Variants in SDK1 observed in about 807,000 individuals in gnomAD.
The protein encoded by SDK1 is protein sidekick-1.
A neutral mutation model predicts 245.5 loss-of-function variants in SDK1; 157 were observed. That is an observed-to-expected ratio of 0.64 (90% confidence interval 0.56 to 0.73). The LOEUF is 0.73. SDK1 is among the 30% of genes least tolerant of loss of function. SDK1 has a pLI of 0.00. For missense variants in SDK1, 3,583 were observed against 3,002.3 expected, an observed-to-expected ratio of 1.19 and a Z score of -4.52; for synonymous variants, 1,647 against 1,278.5, an observed-to-expected ratio of 1.29 and a Z score of -6.15.
chr7:3,543,995 A>T (rs1438635489), intron 1 of SDK1, among the ~76,000 whole-genome samples: 1 of 152,212 alleles, frequency 6.6e-6, no homozygotes, highest in African/African-American at 2.4e-5. Context: ...CATCTCTACT[A>T]CTGCTCAACT....
intron 1 of SDK1, among the ~76,000 whole-genome samples, chr7:3,416,894 C>T (rs1020678955): frequency 6.6e-6 from 1 of 152,110 alleles, no homozygotes; most frequent in African/African-American, 2.4e-5. Context: ...GCCATGCAGC[C>T]GGGCACGGTG....
intron 35 of SDK1, among the ~76,000 whole-genome samples, chr7:4,180,216 A>G (rs1487196665): frequency 6.6e-6 from 1 of 151,122 alleles, no homozygotes; most frequent in Non-Finnish European, 1.5e-5. Context: ...CTCCAGCTCT[A>G]TGCCCAGCGC....
chr7:3,408,775 C>T (rs1779118982), intron 1 of SDK1, among the ~76,000 whole-genome samples: 1 of 152,188 alleles, frequency 6.6e-6, no homozygotes, highest in Non-Finnish European at 1.5e-5. Context: ...TGGAATCCTG[C>T]TGTTGGAACC....
At chr7:3,535,328 G>T (rs1033941309) in intron 1 of SDK1, among the ~76,000 whole-genome samples, 5 of 152,148 alleles carry the variant, frequency 3.3e-5, no homozygotes, top group African/African-American at 1.2e-4. Flanking sequence ...TTGTTTATCT[G>T]TTAGCTTAAT....
chr7:3,791,165 CA>C (rs1184530205), intron 4 of SDK1, among the ~76,000 whole-genome samples: 81 of 139,768 alleles, frequency 5.8e-4, no homozygotes, highest in East Asian at 1.7e-3. Flanking sequence ...TTAAAAACAA[CA>C]AAAAAAAAAA....
chr7:3,616,332 A>T (rs1292719104), intron 1 of SDK1, among the ~76,000 whole-genome samples: 1 of 152,220 alleles, frequency 6.6e-6, no homozygotes, highest in African/African-American at 2.4e-5. Context: ...CAGTCACGCA[A>T]CGATGAGGTG....
chr7:3,627,192 G>C (rs1782148505), intron 2 of SDK1, among the ~76,000 whole-genome samples: 1 of 152,112 alleles, frequency 6.6e-6, no homozygotes, highest in Non-Finnish European at 1.5e-5. Context: ...TCCTCCCCAA[G>C]TGCTGAGATT....
rs986105855 is a variant in SDK1 at position 3,529,139 on chromosome 7, A to G, written c.299-89941A>G. ...AGATTAAAAAGAACCTTGAGGTGTT[A>G]GACTAGAATTGGAAGTATTAATGTA... On this transcript the variant is annotated intron_variant, in intron 1 of 44. Coordinates refer to ENST00000404826, the MANE Select transcript of SDK1 (RefSeq NM_152744.4). Among the ~76,000 whole-genome samples the G allele has an allele frequency of 5.3e-5, 8 of 152,328 alleles. No individual in the cohort carries two copies. The East Asian group carries it at 1.5e-3, about 29-fold the overall frequency.
intron 14 of SDK1, among the ~76,000 whole-genome samples, chr7:3,990,548 G>A (rs1784222272): frequency 1.3e-5 from 2 of 152,224 alleles, no homozygotes; most frequent in African/African-American, 4.8e-5. Context: ...GGACTTGACA[G>A]TGATCTGGAC....
chr7:3,759,950 A>G (rs1005053865), intron 4 of SDK1, among the ~76,000 whole-genome samples: 19 of 151,996 alleles, frequency 1.3e-4, no homozygotes, highest in Admixed American at 9.2e-4. Context: ...GCTGTGCTAT[A>G]TATTTCCTTT....
At chr7:3,496,341 G>A (rs1249745983) in intron 1 of SDK1, among the ~76,000 whole-genome samples, 1 of 152,056 alleles carries the variant, frequency 6.6e-6, no homozygotes, top group Non-Finnish European at 1.5e-5. Flanking sequence ...AGCACTGTTT[G>A]GAGTCTCACT....
chr7:3,830,795 C>G (rs1461775416), intron 5 of SDK1, among the ~76,000 whole-genome samples: 2 of 152,120 alleles, frequency 1.3e-5, no homozygotes. Flanking sequence ...CTGCACCTGG[C>G]CTAACAATTT....
intron 1 of SDK1, among the ~76,000 whole-genome samples, chr7:3,609,544 G>A (rs112472116): frequency 6.6e-6 from 1 of 152,062 alleles, no homozygotes; most frequent in African/African-American, 2.4e-5. Context: ...GGGATTACAG[G>A]CACGTGCCAC....
intron 4 of SDK1, among the ~76,000 whole-genome samples, chr7:3,766,686 A>G (rs1328995359): frequency 6.6e-6 from 1 of 152,242 alleles, no homozygotes; most frequent in Non-Finnish European, 1.5e-5. Flanking sequence ...TTCAGAAATA[A>G]TAAATATAAA....
rs575433737 is a variant in SDK1, at chr7:3,849,522, C to G, written c.847+27939C>G. On this transcript the variant is annotated intron_variant, in intron 5 of 44. Coordinates refer to ENST00000404826, the MANE Select transcript of SDK1 (RefSeq NM_152744.4). ...TTTTTAAGGAAAATTTGTTTAACCA[C>G]TTCAGTATATGTTCAATGGTTGAGA... is the stretch of plus-strand genomic sequence containing the variant. Among the ~76,000 whole-genome samples the G allele has an allele frequency of 6.2e-4, 95 of 152,256 alleles. 1 individual carries two copies. The highest frequency in any genetic ancestry group is 2.2e-3 in the African/African-American group (91 of 41,542).
intron 1 of SDK1, among the ~76,000 whole-genome samples, chr7:3,459,791 G>A (rs1226190461): frequency 1.3e-5 from 2 of 152,188 alleles, no homozygotes; most frequent in African/African-American, 2.4e-5. Flanking sequence ...TTGGCCTGGG[G>A]TAGGGGCCTT....
intron 5 of SDK1, among the ~76,000 whole-genome samples, chr7:3,822,363 A>C (rs772343944): frequency 3.0e-4 from 46 of 152,360 alleles, no homozygotes; most frequent in Admixed American, 7.8e-4. Flanking sequence ...GGTAAATTTC[A>C]AAATATTATT....
intron 4 of SDK1, among the ~76,000 whole-genome samples, chr7:3,729,864 A>C (rs1453132694): frequency 6.6e-6 from 1 of 152,028 alleles, no homozygotes; most frequent in African/African-American, 2.4e-5. Context: ...GCTAAGATCA[A>C]GTGAAGAACT....
chr7:3,704,504 T>C (rs1170661884), intron 4 of SDK1, among the ~76,000 whole-genome samples: 1 of 152,160 alleles, frequency 6.6e-6, no homozygotes, highest in South Asian at 2.1e-4. Flanking sequence ...AAATGTCTAT[T>C]TATGTCCTTT....
Sources: gnomAD v4.1 joint callset for allele counts (sites outside exome capture counted in the v4.1 genomes callset) on GRCh38, gnomAD v4.1.1 for gene constraint, MANE v1.5 for transcripts, NCBI Gene and HGNC (gene_info 2026-07-23, HGNC 2026-07-21) for gene names.